The following SLC4A10 variants were observed in gnomAD, a reference collection of about 807,000 sequenced individuals.
SLC4A10 encodes the protein solute carrier family 4 member 10, also known as sodium-driven chloride bicarbonate exchanger.
In SLC4A10, 42 loss-of-function variants were observed where a neutral mutation model predicts 137.7. The ratio of observed to expected loss-of-function variants is 0.30; its 90% CI spans 0.24 to 0.39. SLC4A10 has a LOEUF of 0.39. Ranked by LOEUF, SLC4A10 falls within the 10% of genes least tolerant of loss-of-function variation. SLC4A10 has a pLI of 1.00. For missense variants in SLC4A10, 925 were observed against 1,355.0 expected (o/e 0.68, Z 4.98); for synonymous variants, 474 against 464.1 (o/e 1.02, Z -0.27).
intron 2 of SLC4A10, among the ~76,000 whole-genome samples, chr2:161,779,405 A>G (rs1559231165): frequency 1.3e-5 from 2 of 152,008 alleles, no homozygotes; most frequent in African/African-American, 4.8e-5. Context: ...CAAAGATAAT[A>G]TAAGTAAAGC....
intron 15 of SLC4A10, among the ~76,000 whole-genome samples, chr2:161,918,863 A>G (rs1687609799): frequency 6.6e-6 from 1 of 152,128 alleles, no homozygotes; most frequent in South Asian, 2.1e-4. Context: ...GACCCAGGAA[A>G]AGGTGGAAGC....
chr2:161,811,672 G>T (rs555687001), intron 3 of SLC4A10, among the ~76,000 whole-genome samples: 1 of 151,932 alleles, frequency 6.6e-6, no homozygotes, highest in South Asian at 2.1e-4. Flanking sequence ...ATCTTGCTTT[G>T]TACTTCAGAG....
intron 3 of SLC4A10, among the ~76,000 whole-genome samples, chr2:161,829,855 A>G (rs1199033726): frequency 6.6e-6 from 1 of 152,092 alleles, no homozygotes; most frequent in Admixed American, 6.5e-5. Context: ...ATGGCAGCAG[A>G]CAAGAGAGAA....
rs536157086 is a variant in SLC4A10 at position 161,739,636 on chromosome 2, G to A, written c.49-31337G>A. 5.9e-5 allele frequency among the ~76,000 whole-genome samples: 9 copies of A among 152,158 alleles called. No individual in the cohort carries two copies. The South Asian group carries it at 1.2e-3, about 21-fold the overall frequency. On this transcript the variant is annotated intron_variant, in intron 1 of 26. Transcript: ENST00000446997. ...CATTTTTAGCACCCCCATACTTACC[G>A]GCATCAATCTCACCTACCAACTGTG...
chr2:161,945,072 C>T (rs1374613719), intron 16 of SLC4A10, among the ~76,000 whole-genome samples: 4 of 150,234 alleles, frequency 2.7e-5, no homozygotes, highest in African/African-American at 9.8e-5. Flanking sequence ...CTGCTCTATG[C>T]ATAGTAAGTG....
Position 161,974,279 on chromosome 2 carries a change from G to A in SLC4A10, c.3190G>A (p.Glu1064Lys), listed in dbSNP as rs368433654. 8.7e-6 allele frequency: 14 copies of A among 1,608,664 alleles called. No homozygotes were observed. The highest frequency in any genetic ancestry group is 1.2e-5 in the Non-Finnish European group (14 of 1,177,620). Residue 1064 changes from glutamate to lysine, a missense_variant, in exon 24 of 27, where the codon GAG becomes AAG. Physicochemically the swap from Glu to Lys is moderately conservative, Grantham distance 56 (BLOSUM62 1). Transcript: ENST00000446997. ...EEQSMLAMED[E>K]GTVQLPLEGH... is the part of the protein sequence containing the mutation. ...ACAAAGTATGCTAGCTATGGAAGATGAGGGCACAGTACAACTCCCATTGGA... is the reference window on the plus strand; with the variant it reads ...ACAAAGTATGCTAGCTATGGAAGATAAGGGCACAGTACAACTCCCATTGGA...
chr2:161,710,973 T>G (rs958685117), intron 1 of SLC4A10, among the ~76,000 whole-genome samples: 1 of 151,854 alleles, frequency 6.6e-6, no homozygotes, highest in Admixed American at 6.6e-5. Context: ...TTTAACTTAA[T>G]CTATAAGCTG....
At chr2:161,663,890 G>C (rs1476465975) in intron 1 of SLC4A10, among the ~76,000 whole-genome samples, 1 of 151,956 alleles carries the variant, frequency 6.6e-6, no homozygotes, top group Admixed American at 6.6e-5. Context: ...ATGTAGAATT[G>C]GGGAGGCTGT....
intron 3 of SLC4A10, among the ~76,000 whole-genome samples, chr2:161,811,567 T>C (rs1196613197): frequency 6.6e-6 from 1 of 152,056 alleles, no homozygotes; most frequent in Admixed American, 6.6e-5. Context: ...TTTCATTGTG[T>C]ATCTTTTTTG....
At chr2:161,777,383 A>G (rs2052477232) in intron 2 of SLC4A10, among the ~76,000 whole-genome samples, 1 of 151,840 alleles carries the variant, frequency 6.6e-6, no homozygotes, top group Non-Finnish European at 1.5e-5. Flanking sequence ...TGTATATTTT[A>G]CTTTTATTGC....
At chr2:161,904,327 G>T in intron 13 of SLC4A10, 149 bp downstream of exon 13, 1 of 832,450 alleles carries the variant, frequency 1.2e-6, no homozygotes, top group Non-Finnish European at 1.8e-6. Flanking sequence ...TTTCCTGGAT[G>T]GCTAGTGGAA....
intron 15 of SLC4A10, among the ~76,000 whole-genome samples, chr2:161,917,835 C>T (rs1329170183): frequency 6.6e-6 from 1 of 152,128 alleles, no homozygotes; most frequent in African/African-American, 2.4e-5. Flanking sequence ...GTGCCCAGAT[C>T]AATTCCTGGC....
chr2:161,893,639 G>T (rs894786155), intron 10 of SLC4A10, among the ~76,000 whole-genome samples: 2 of 152,026 alleles, frequency 1.3e-5, no homozygotes, highest in Non-Finnish European at 2.9e-5. Context: ...GTTCAAGGCT[G>T]CAGTGAGGTA....
chr2:161,907,154 T>G (rs922395477), intron 15 of SLC4A10, among the ~76,000 whole-genome samples: 1 of 151,284 alleles, frequency 6.6e-6, no homozygotes, highest in African/African-American at 2.4e-5. Context: ...TATTTAGAGA[T>G]AACTTTAAAC....
chr2:161,895,024 T>G (rs1459233002), intron 11 of SLC4A10, among the ~76,000 whole-genome samples, 199 bp downstream of exon 11: 1 of 151,188 alleles, frequency 6.6e-6, no homozygotes, highest in Non-Finnish European at 1.5e-5. Context: ...TAACTCGTCA[T>G]TTAGCATTAG....
At chr2:161,827,726 C>A (rs948662923) in intron 3 of SLC4A10, among the ~76,000 whole-genome samples, 4 of 151,994 alleles carry the variant, frequency 2.6e-5, no homozygotes, top group African/African-American at 9.7e-5. Context: ...CGCACCAGGC[C>A]GGCTAATTTT....
intron 1 of SLC4A10, among the ~76,000 whole-genome samples, chr2:161,718,619 T>G (rs2045234955): frequency 6.6e-6 from 1 of 152,180 alleles, no homozygotes; most frequent in East Asian, 1.9e-4. Context: ...TTGAGTGAGT[T>G]TCTTAATTTT....
At chr2:161,970,400 A>G (rs753848396) in intron 23 of SLC4A10, among the ~76,000 whole-genome samples, 1 of 152,188 alleles carries the variant, frequency 6.6e-6, no homozygotes, top group Non-Finnish European at 1.5e-5. Context: ...CAAAGATTAT[A>G]TATTTATGTA....
At chr2:161,972,499 T>G (rs1008135705) in intron 23 of SLC4A10, among the ~76,000 whole-genome samples, 1 of 152,156 alleles carries the variant, frequency 6.6e-6, no homozygotes, top group Non-Finnish European at 1.5e-5. Context: ...CCATTCACCT[T>G]GATTTAGTTC....
Sources: allele counts gnomAD v4.1 joint callset (sites outside exome capture counted in the v4.1 genomes callset), GRCh38; gene constraint gnomAD v4.1.1; transcripts MANE v1.5; gene names NCBI Gene and HGNC (gene_info 2026-07-23, HGNC 2026-07-21).